The following CSMD1 variants were observed in gnomAD, a reference collection of about 807,000 sequenced individuals.
CSMD1 encodes the protein CUB and sushi domain-containing protein 1.
Under a neutral mutation model 417.5 loss-of-function variants are expected in CSMD1, and 213 were observed. The observed-to-expected ratio is 0.51, with a 90% confidence interval of 0.46 to 0.57. The LOEUF is 0.57. Ranked by LOEUF, CSMD1 falls within the 20% of genes least tolerant of loss-of-function variation. CSMD1 has a pLI of 0.00. For synonymous variants in CSMD1, 2,862 were observed against 1,736.8 expected, an observed-to-expected ratio of 1.65 and a Z score of -16.11; for missense variants, 6,923 against 4,529.7, an observed-to-expected ratio of 1.53 and a Z score of -15.17.
intron 7 of CSMD1, among the ~76,000 whole-genome samples, chr8:3,648,351 G>C (rs551879413): frequency 1.3e-5 from 2 of 152,064 alleles, no homozygotes; most frequent in Admixed American, 6.5e-5. Context: ...CAATATTTTG[G>C]TCATGACAGA....
chr8:3,248,410 T>G (rs563832588), intron 26 of CSMD1, among the ~76,000 whole-genome samples: 14 of 151,820 alleles, frequency 9.2e-5, no homozygotes, highest in Non-Finnish European at 1.8e-4. Context: ...CCTTTAAAAC[T>G]GGAGTTTCAG....
intron 23 of CSMD1, among the ~76,000 whole-genome samples, chr8:3,335,200 C>T (rs1341673266): frequency 6.6e-6 from 1 of 152,074 alleles, no homozygotes; most frequent in African/African-American, 2.4e-5. Flanking sequence ...TATTGGTGAA[C>T]CAGCCTCTAA....
intron 37 of CSMD1, among the ~76,000 whole-genome samples, chr8:3,169,553 G>C (rs1820452288): frequency 6.6e-6 from 1 of 152,120 alleles, no homozygotes; most frequent in South Asian, 2.1e-4. Context: ...AATGAGTGCA[G>C]AGTTTTGCAA....
At chr8:3,414,438 G>C (rs753986950) in intron 12 of CSMD1, among the ~76,000 whole-genome samples, 1 of 151,968 alleles carries the variant, frequency 6.6e-6, no homozygotes, top group Non-Finnish European at 1.5e-5. Context: ...TCCCAAACAT[G>C]CCATGTTGTG....
At chr8:3,346,192 G>T (rs888094633) in intron 22 of CSMD1, among the ~76,000 whole-genome samples, 2 of 152,116 alleles carry the variant, frequency 1.3e-5, no homozygotes, top group Admixed American at 1.3e-4. Flanking sequence ...GTAATTAAAT[G>T]TGAGAAGCAC....
chr8:4,041,086 G>C (rs1308323040), intron 3 of CSMD1, among the ~76,000 whole-genome samples: 4 of 138,428 alleles, frequency 2.9e-5, no homozygotes, highest in South Asian at 4.5e-4. Context: ...GCGCGATCTC[G>C]GCTCACTGCA....
chr8:3,855,046 G>C (rs1383537209), intron 5 of CSMD1, among the ~76,000 whole-genome samples: 1 of 152,044 alleles, frequency 6.6e-6, no homozygotes, highest in African/African-American at 2.4e-5. Flanking sequence ...CATATGCAGA[G>C]AGCTTGAGAG....
chr8:3,219,424 G>T lies in CSMD1; in HGVS notation c.4503C>A (p.Ser1501Arg). The change falls in exon 29 of 70, where the codon AGC becomes AGA. Residue 1501 changes from serine (S) to arginine (R), a missense_variant. Coordinates refer to ENST00000635120, the MANE Select transcript of CSMD1 (RefSeq NM_033225.6). ...CTTCATAGATGTGTAGGAAGTCATA[G>T]CTGGGCTCCATGTTGAAACTAAAGA... Reference protein sequence around the residue: ...LIFKSFNMEPSYDFLHIYEGE... With the variant: ...LIFKSFNMEPRYDFLHIYEGE... 1 of 1,510,158 alleles carries T rather than the reference G, an allele frequency of 6.6e-7. No individual in the cohort carries two copies. The highest frequency in any genetic ancestry group is 2.4e-5 in the Admixed American group (1 of 41,146). The allele number at this position is 1,510,158 out of a possible 1,614,324, so 93.5% of individuals were successfully genotyped here.
intron 10 of CSMD1, among the ~76,000 whole-genome samples, chr8:3,573,567 A>G (rs1416717028): frequency 3.9e-5 from 6 of 152,288 alleles, no homozygotes; most frequent in African/African-American, 1.4e-4. Flanking sequence ...TACATAAATA[A>G]TAACTGAGAT....
chr8:4,148,838 G>T (rs540006057), intron 3 of CSMD1, among the ~76,000 whole-genome samples: 1 of 152,104 alleles, frequency 6.6e-6, no homozygotes, highest in South Asian at 2.1e-4. Context: ...GCTGCCTTTG[G>T]CTTGTGTCCT....
At chr8:4,670,371 A>G (rs1436083902) in intron 1 of CSMD1, among the ~76,000 whole-genome samples, 4 of 152,140 alleles carry the variant, frequency 2.6e-5, no homozygotes, top group African/African-American at 9.7e-5. Flanking sequence ...CTAATAATGA[A>G]ATACATGTTC....
chr8:4,031,402 AG>A (rs1158377590), intron 4 of CSMD1, among the ~76,000 whole-genome samples: 2 of 152,222 alleles, frequency 1.3e-5, no homozygotes, highest in African/African-American at 2.4e-5. Flanking sequence ...GAGCTTGTGC[AG>A]GGGAACTCCT....
rs1410271836 is a variant in CSMD1, at chr8:2,973,230, T to G, written c.8810A>C (p.Lys2937Thr). Residue 2937 changes from lysine to threonine, a missense_variant, in exon 57 of 70, where the codon AAG becomes ACG. Coordinates refer to ENST00000635120, the MANE Select transcript of CSMD1 (RefSeq NM_033225.6). ...GGAGAAGCGGAGAAGACTCTTTGTC[T>G]TAAAGTCATCACCAAGCCGAGACCC... ...AHGSRLGDDFKTKSLLRFSCE... is the reference protein window; with the variant it reads ...AHGSRLGDDFTTKSLLRFSCE... 1 of 1,613,850 alleles carries G rather than the reference T, an allele frequency of 6.2e-7. No individual in the cohort carries two copies. Among genetic ancestry groups the G allele is most frequent in the African/African-American group, 1.3e-5 (1 of 74,926 alleles).
intron 5 of CSMD1, among the ~76,000 whole-genome samples, chr8:3,852,068 G>C (rs978764784): frequency 6.6e-6 from 1 of 152,222 alleles, no homozygotes; most frequent in African/African-American, 2.4e-5. Flanking sequence ...AGGCAGACTG[G>C]AGGAGATCTT....
intron 3 of CSMD1, among the ~76,000 whole-genome samples, chr8:4,114,891 C>T (rs80250179): frequency 6.6e-6 from 1 of 152,152 alleles, no homozygotes; most frequent in East Asian, 1.9e-4. Context: ...TGAGGAATTG[C>T]TTCTTCCAGA....
At chr8:4,530,829 G>A (rs533760652) in intron 2 of CSMD1, among the ~76,000 whole-genome samples, 1 of 151,856 alleles carries the variant, frequency 6.6e-6, no homozygotes, top group South Asian at 2.1e-4. Flanking sequence ...TTCTACTATA[G>A]GCAGCGCTTT....
intron 20 of CSMD1, among the ~76,000 whole-genome samples, chr8:3,360,854 C>CTT (rs10707445): frequency 4.1e-4 from 59 of 143,698 alleles, no homozygotes; most frequent in African/African-American, 1.4e-3. Context: ...TCTGATCCTT[C>CTT]TTTTTTTTTT....
intron 3 of CSMD1, among the ~76,000 whole-genome samples, chr8:4,238,738 C>CT (rs1802215478): frequency 6.6e-6 from 1 of 152,144 alleles, no homozygotes; most frequent in African/African-American, 2.4e-5. Context: ...TCTCTTGCTT[C>CT]CAATTAAAGT....
intron 3 of CSMD1, among the ~76,000 whole-genome samples, chr8:4,072,472 T>C (rs1799610668): frequency 6.6e-6 from 1 of 152,306 alleles, no homozygotes; most frequent in South Asian, 2.1e-4. Context: ...ATTTCGCACT[T>C]GTAGTGAAGG....
Sources: gnomAD v4.1 joint callset for allele counts (sites outside exome capture counted in the v4.1 genomes callset) on GRCh38, gnomAD v4.1.1 for gene constraint, MANE v1.5 for transcripts, NCBI Gene and HGNC (gene_info 2026-07-23, HGNC 2026-07-21) for gene names.